The following RIMBP2 variants were observed in gnomAD, a reference collection of about 807,000 sequenced individuals.
The protein encoded by RIMBP2 is RIMS binding protein 2, also known as RIMS-binding protein 2.
RIMBP2 carries 48 observed loss-of-function variants against 118.6 expected under a neutral mutation model. That is an observed-to-expected ratio of 0.40 (90% CI 0.32 to 0.51). RIMBP2 has a LOEUF of 0.51. RIMBP2 is among the 20% of genes least tolerant of loss of function. The probability of loss-of-function intolerance (pLI) is 0.41; values close to 1 mark genes in which losing one functional copy is unlikely to be tolerated. For synonymous variants in RIMBP2, 762 were observed against 742.9 expected (o/e 1.03, Z -0.42); for missense variants, 1,551 against 1,768.3 (o/e 0.88, Z 2.20).
intron 14 of RIMBP2, 48 bp from the exon 15 acceptor site, chr12:130,428,385 C>T: frequency 1.3e-6 from 2 of 1,560,390 alleles, no homozygotes; most frequent in East Asian, 2.3e-5. Context: ...CCTCCCGCAT[C>T]CTACAAGAGG....
At chr12:130,557,632 C>T (rs935124307) in intron 2 of RIMBP2, among the ~76,000 whole-genome samples, 1 of 152,228 alleles carries the variant, frequency 6.6e-6, no homozygotes, top group Non-Finnish European at 1.5e-5. Context: ...AACCACAAGA[C>T]AGCAGATGTG....
At chr12:130,600,258 C>A (rs2059790132) in intron 2 of RIMBP2, among the ~76,000 whole-genome samples, 1 of 152,222 alleles carries the variant, frequency 6.6e-6, no homozygotes, top group African/African-American at 2.4e-5. Context: ...CAAAACCCAC[C>A]AAAATCCAAA....
At chr12:130,665,686 G>C (rs2063888275) in intron 1 of RIMBP2, among the ~76,000 whole-genome samples, 1 of 148,138 alleles carries the variant, frequency 6.8e-6, no homozygotes, top group African/African-American at 2.7e-5. Context: ...ACAGGTTAAA[G>C]GGGATTAACT....
chr12:130,696,932 A>G (rs1037161247), intron 1 of RIMBP2, among the ~76,000 whole-genome samples: 2 of 152,170 alleles, frequency 1.3e-5, no homozygotes, highest in South Asian at 2.1e-4. Flanking sequence ...GAAAGCTACA[A>G]ATCATCTCAC....
At position 130,424,887 on chromosome 12, in the gene RIMBP2, G is replaced by A. The variant is rs1018508229; in HGVS notation, c.2413-29C>T. On this transcript the variant is annotated intron_variant, in intron 15 of 22. Coordinates refer to ENST00000690449, the MANE Select transcript of RIMBP2 (RefSeq NM_001393629.1). The surrounding 1 kb of genome is among the most constrained non-coding windows in gnomAD (Gnocchi z 9.8). ...ACGGGGTGGTGTGTCAAGAACAGGC[G>A]CGGGAAAGAGTGTGTGGTCAGCATG... is the stretch of plus-strand genomic sequence containing the variant. 93 of 1,200,554 alleles carry A rather than the reference G, an allele frequency of 7.7e-5. No homozygotes were observed. Among genetic ancestry groups the A allele is most frequent in the Middle Eastern group, 3.2e-4 (1 of 3,154 alleles). The allele number at this position is 1,200,554 out of a possible 1,614,324, so 74.4% of individuals were successfully genotyped here.
chr12:130,555,535 A>G (rs2056267314), intron 2 of RIMBP2, among the ~76,000 whole-genome samples: 1 of 152,192 alleles, frequency 6.6e-6, no homozygotes, highest in African/African-American at 2.4e-5. Context: ...AAATATGATT[A>G]TATTATTACA....
chr12:130,715,173 A>G (rs1950240595), intron 1 of RIMBP2, among the ~76,000 whole-genome samples: 1 of 152,158 alleles, frequency 6.6e-6, no homozygotes, highest in African/African-American at 2.4e-5. Flanking sequence ...CACCCTTGTG[A>G]GCAGAGTCTC....
chr12:130,501,232 C>A (rs1225959090), intron 4 of RIMBP2, among the ~76,000 whole-genome samples: 1 of 152,160 alleles, frequency 6.6e-6, no homozygotes, highest in Admixed American at 6.5e-5. Flanking sequence ...TTGCTGGAAG[C>A]CCCCATCATC....
intron 1 of RIMBP2, among the ~76,000 whole-genome samples, chr12:130,642,802 A>G (rs1172262548): frequency 1.3e-5 from 2 of 152,192 alleles, no homozygotes; most frequent in African/African-American, 4.8e-5. Flanking sequence ...TAGGCTACAC[A>G]TTGAAGCTCA....
chr12:130,695,414 T>C (rs979371356), intron 1 of RIMBP2, among the ~76,000 whole-genome samples: 1 of 152,208 alleles, frequency 6.6e-6, no homozygotes, highest in Admixed American at 6.5e-5. Context: ...GGTGCTGCTC[T>C]CCACACAACC....
chr12:130,712,499 C>G (rs1397754754), intron 1 of RIMBP2, among the ~76,000 whole-genome samples: 3 of 152,168 alleles, frequency 2.0e-5, no homozygotes, highest in African/African-American at 7.2e-5. Context: ...CGCCTTCCAC[C>G]TGCACGTCCT....
At chr12:130,435,050 CT>C (rs375104659) in intron 13 of RIMBP2, among the ~76,000 whole-genome samples, 170 bp from the exon 14 acceptor site, 201 of 144,206 alleles carry the variant, frequency 1.4e-3, no homozygotes, top group Non-Finnish European at 1.5e-3. Context: ...CCACCAGAAT[CT>C]TTTTTTTTTT....
chr12:130,544,443 C>A (rs912428921), intron 2 of RIMBP2, among the ~76,000 whole-genome samples: 1 of 152,094 alleles, frequency 6.6e-6, no homozygotes, highest in Admixed American at 6.6e-5. Context: ...GCAAGACTGC[C>A]GTAGAGAAGA....
intron 6 of RIMBP2, among the ~76,000 whole-genome samples, chr12:130,462,973 C>G (rs572765734): frequency 6.6e-6 from 1 of 152,382 alleles, no homozygotes; most frequent in East Asian, 1.9e-4. Flanking sequence ...CCACATCCAG[C>G]TTGTTTGCAC....
intron 10 of RIMBP2, among the ~76,000 whole-genome samples, chr12:130,444,444 G>A (rs997221603): frequency 1.3e-5 from 2 of 152,218 alleles, no homozygotes; most frequent in Non-Finnish European, 2.9e-5. Flanking sequence ...TAGCAAGCAA[G>A]ATTCCTTCTG....
chr12:130,608,573 C>T (rs960293542), intron 2 of RIMBP2, among the ~76,000 whole-genome samples: 1 of 152,166 alleles, frequency 6.6e-6, no homozygotes, highest in Non-Finnish European at 1.5e-5. Context: ...CTAGGACCCT[C>T]CTCCTGGGGG....
In RIMBP2 at chr12:130,500,319, G is replaced by A. The variant is rs542974458; in HGVS notation, c.-4+6329C>T. Reference sequence around the variant, plus strand: ...CTAAAAATACAAAAATTAGCTGGGCGTGGTGGCAGGCCCCTGTAATCCCAG... The same window carrying A: ...CTAAAAATACAAAAATTAGCTGGGCATGGTGGCAGGCCCCTGTAATCCCAG... On this transcript the variant is annotated intron_variant, in intron 4 of 22. Coordinates refer to ENST00000690449, the MANE Select transcript of RIMBP2 (RefSeq NM_001393629.1). 3.7e-4 allele frequency among the ~76,000 whole-genome samples: 57 copies of A among 152,282 alleles called. No homozygotes were observed. The South Asian group carries it at 6.4e-3, about 17-fold the overall frequency.
intron 1 of RIMBP2, among the ~76,000 whole-genome samples, chr12:130,667,060 G>A (rs1362813716): frequency 0.022 from 1,432 of 66,440 alleles, 138 homozygotes; most frequent in African/African-American, 0.074. Flanking sequence ...AGGGAGAAAA[G>A]GAAGAAGGGA....
At chr12:130,513,749 C>T (rs1218980012) in intron 3 of RIMBP2, among the ~76,000 whole-genome samples, 2 of 152,310 alleles carry the variant, frequency 1.3e-5, no homozygotes, top group Admixed American at 1.3e-4. Context: ...CCAATCATTT[C>T]CGCACAGGGA....
Sources: allele counts gnomAD v4.1 joint callset (sites outside exome capture counted in the v4.1 genomes callset), GRCh38; gene constraint gnomAD v4.1.1; non-coding constraint Gnocchi (gnomAD v3.1); transcripts MANE v1.5; gene names NCBI Gene and HGNC (gene_info 2026-07-23, HGNC 2026-07-21).